SGSM2: variants seen among roughly 807,000 people sequenced by gnomAD.
SGSM2 encodes small G protein signaling modulator 2.
In SGSM2, 89 loss-of-function variants were observed where a neutral mutation model predicts 126.6. The ratio of observed to expected loss-of-function variants is 0.70; its 90% confidence interval spans 0.59 to 0.84. The LOEUF (loss-of-function observed/expected upper bound fraction) is 0.84, where lower values mean the gene tolerates loss of function less well. SGSM2 is among the 40% of genes least tolerant of loss of function. The pLI is 0.00. For synonymous variants in SGSM2, 614 were observed against 574.3 expected (o/e 1.07, Z -0.99); for missense variants, 1,404 against 1,416.6 (o/e 0.99, Z 0.14).
Position 2,376,892 on chromosome 17 carries a change from G to A in SGSM2, c.2693-67G>A. ...AGAGGGTGGCCAGGTCTGGAGGGGTGGGAATGGGAGCCGGCTCTGTCCCCT... is the reference window on the plus strand; with the variant it reads ...AGAGGGTGGCCAGGTCTGGAGGGGTAGGAATGGGAGCCGGCTCTGTCCCCT... On this transcript the variant is annotated intron_variant, in intron 20 of 23. Transcript: ENST00000268989. The A allele has an allele frequency of 2.5e-6, 4 of 1,603,158 alleles. 1 individual carries two copies. The highest frequency in any genetic ancestry group is 2.2e-5 in the South Asian group (2 of 90,788).
intron 2 of SGSM2, among the ~76,000 whole-genome samples, chr17:2,358,478 G>A (rs1004541496): frequency 6.6e-6 from 1 of 152,210 alleles, no homozygotes; most frequent in Non-Finnish European, 1.5e-5. Context: ...GGAAGGCTGA[G>A]GTGGAAGGAT....
Position 2,363,988 on chromosome 17 carries a change from C to A in SGSM2, c.808-71C>A. 3 of 1,601,536 alleles carry A rather than the reference C, an allele frequency of 1.9e-6. No homozygotes were observed. The highest frequency in any genetic ancestry group is 1.7e-6 in the Non-Finnish European group (2 of 1,169,918). ...GCCTCCCCTCCTCCCAGCGGGAGCT[C>A]ATTTCTCATAGGCCATCCCTGAGAG... On this transcript the variant is annotated intron_variant, in intron 7 of 23. Transcript: ENST00000268989. The surrounding 1 kb of genome is among the most constrained non-coding windows in gnomAD (Gnocchi z 4.2).
chr17:2,350,981 G>C (rs574008613), intron 2 of SGSM2, among the ~76,000 whole-genome samples: 57 of 152,222 alleles, frequency 3.7e-4, no homozygotes, highest in Non-Finnish European at 6.9e-4. Flanking sequence ...GGCTGGGCGT[G>C]GTGGCTCACG....
intron 2 of SGSM2, among the ~76,000 whole-genome samples, chr17:2,348,821 G>A (rs1438730226): frequency 6.6e-6 from 1 of 152,052 alleles, no homozygotes; most frequent in African/African-American, 2.4e-5. Context: ...GGAGTGCAGT[G>A]GTGTGATCAT....
At position 2,338,214 on chromosome 17, in the gene SGSM2, C is replaced by T. The variant is rs373163689; in HGVS notation, c.57+469C>T. ...TCCCCCTTGTCCGACGTCCGCTGTG[C>T]CTCCAGCTACGGAGTGATCGCTGCC... On this transcript the variant is annotated intron_variant, in intron 1 of 23. Coordinates refer to ENST00000268989, the MANE Select transcript of SGSM2 (RefSeq NM_014853.3). 1.4e-4 allele frequency among the ~76,000 whole-genome samples: 22 copies of T among 152,298 alleles called. No individual in the cohort carries two copies. The East Asian group carries it at 2.1e-3, about 15-fold the overall frequency.
At chr17:2,376,648 G>C in intron 19 of SGSM2, 85 bp from the exon 20 acceptor site, 2 of 1,434,978 alleles carry the variant, frequency 1.4e-6, no homozygotes, top group South Asian at 1.2e-5. Context: ...CTGGGCGGCA[G>C]GTGGCTCTGG....
At chr17:2,369,594 C>G (rs1007354443) in intron 12 of SGSM2, among the ~76,000 whole-genome samples, 1 of 152,212 alleles carries the variant, frequency 6.6e-6, no homozygotes, top group African/African-American at 2.4e-5. Context: ...TCAGCTCCTT[C>G]CTGGAGGATT....
Position 2,337,783 on chromosome 17 carries a change from T to C in SGSM2, c.57+38T>C. 2 of 1,466,886 alleles carry C rather than the reference T, an allele frequency of 1.4e-6. No homozygotes were observed. Among genetic ancestry groups the C allele is most frequent in the Non-Finnish European group, 1.8e-6 (2 of 1,096,112 alleles). 90.9% of individuals were successfully genotyped at this position (1,466,886 alleles called of 1,614,324 possible). On this transcript the variant is annotated intron_variant, in intron 1 of 23. Coordinates refer to ENST00000268989, the MANE Select transcript of SGSM2 (RefSeq NM_014853.3). This position sits in a 1 kb window ranked among gnomAD's most constrained non-coding sequence, Gnocchi z 5.1. ...CAAGAACCCCGGGGGGCTCGCGCCC[T>C]GGCCCGCGCGGCCCAGGGGGCAGAA...
chr17:2,365,130 G>C (rs949952044), intron 10 of SGSM2, 73 bp downstream of exon 10: 2 of 1,596,332 alleles, frequency 1.3e-6, no homozygotes, highest in Non-Finnish European at 1.7e-6. Flanking sequence ...CCTTCCCCAC[G>C]TGGAGTTCTT....
chr17:2,357,089 C>T (rs566205681), intron 2 of SGSM2, among the ~76,000 whole-genome samples: 22 of 152,192 alleles, frequency 1.4e-4, no homozygotes, highest in Non-Finnish European at 3.1e-4. Flanking sequence ...TGTTAGGCTG[C>T]AGAACTTGAT....
chr17:2,374,594 A>G (rs1423906177), intron 17 of SGSM2: 1 of 152,208 alleles, frequency 6.6e-6, no homozygotes, highest in African/African-American at 2.4e-5. Flanking sequence ...TAAAATAAAA[A>G]AAAAGAAATA....
At chr17:2,351,615 C>T (rs2064857061) in intron 2 of SGSM2, among the ~76,000 whole-genome samples, 1 of 152,196 alleles carries the variant, frequency 6.6e-6, no homozygotes. Flanking sequence ...GGATGTGTAG[C>T]ATGGATTTCA....
chr17:2,337,577 A>C lies in SGSM2; in HGVS notation c.-112A>C, dbSNP rs1417590835. 2.1e-5 allele frequency: 13 copies of C among 614,416 alleles called. No homozygotes were observed. The Admixed American group carries it at 4.7e-4, about 22-fold the overall frequency. The allele number at this position is 614,416 out of a possible 1,614,324, so 38.1% of individuals were successfully genotyped here. A position where few individuals can be genotyped will look rare whatever the true frequency, so the allele number is the denominator to read the frequency against. On this transcript the variant is annotated 5_prime_UTR_variant, in exon 1 of 24. Transcript: ENST00000268989. The surrounding 1 kb of genome is among the most constrained non-coding windows in gnomAD (Gnocchi z 5.1). ...GCGGCGGCGGCGGCGGCGGGCCGGG[A>C]GCGCGGCGGGCGGGGGCTCCGCCTT...
intron 1 of SGSM2, among the ~76,000 whole-genome samples, chr17:2,341,309 G>A (rs2064359151): frequency 1.3e-5 from 2 of 152,032 alleles, no homozygotes; most frequent in African/African-American, 2.4e-5. Context: ...GTAGAAATGG[G>A]GTTTCACCAT....
At position 2,364,973 on chromosome 17, in the gene SGSM2, C is replaced by T; in HGVS notation, c.1077C>T (p.His359=). 2 of 1,613,632 alleles carry T rather than the reference C, an allele frequency of 1.2e-6. No homozygotes were observed. Among genetic ancestry groups the T allele is most frequent in the Non-Finnish European group, 1.7e-6 (2 of 1,180,006 alleles). Residue 359 remains histidine (H), a synonymous_variant, in exon 10 of 24, where the codon CAC becomes CAT. Transcript: ENST00000268989. ...CGCTGCATTTCCCACAGGGAGGACA[C>T]CTGCTGTCCTTTCTGTCCTGTCTGG... The part of the protein sequence containing the change: ...RPPLHFPQGG[H]LLSFLSCLEN...
Position 2,380,865 on chromosome 17 carries a change from G to A in SGSM2, c.*1345G>A, listed in dbSNP as rs2066379534. 6.2e-6 allele frequency: 1 copy of A among 160,558 alleles called. No homozygotes were observed. 9.9% of individuals were successfully genotyped at this position (160,558 alleles called of 1,614,324 possible). A position where few individuals can be genotyped will look rare whatever the true frequency, so the allele number is the denominator to read the frequency against. On this transcript the variant is annotated 3_prime_UTR_variant, in exon 24 of 24. Transcript: ENST00000268989. The stretch of plus-strand genomic sequence containing the variant: ...CCTGCCCCCGGGCACTGCACAGCCT[G>A]TCTGGGGGCCAGACCACCCCATTGT...
intron 1 of SGSM2, among the ~76,000 whole-genome samples, chr17:2,341,998 C>T (rs928052250): frequency 9.9e-5 from 15 of 152,146 alleles, no homozygotes; most frequent in African/African-American, 2.4e-4. Flanking sequence ...CTGTACACAA[C>T]GCGCACGGAG....
At position 2,337,823 on chromosome 17, in the gene SGSM2, C is replaced by T. The variant is rs965087843; in HGVS notation, c.57+78C>T. The T allele has an allele frequency of 1.4e-5, 16 of 1,164,460 alleles. No individual in the cohort carries two copies. Among genetic ancestry groups the T allele is most frequent in the Non-Finnish European group, 1.8e-5 (16 of 876,968 alleles). 72.1% of individuals were successfully genotyped at this position (1,164,460 alleles called of 1,614,324 possible). A position where few individuals can be genotyped will look rare whatever the true frequency, so the allele number is the denominator to read the frequency against. ...AGGGGGCAGAAAGGTCCGCGCCCACCCCCCGGCGCGGGCACCCGGGCCGAA... is the reference window on the plus strand; with the variant it reads ...AGGGGGCAGAAAGGTCCGCGCCCACTCCCCGGCGCGGGCACCCGGGCCGAA... On this transcript the variant is annotated intron_variant, in intron 1 of 23. Transcript: ENST00000268989. This position sits in a 1 kb window ranked among gnomAD's most constrained non-coding sequence, Gnocchi z 5.1.
At position 2,343,590 on chromosome 17, in the gene SGSM2, G is replaced by A; in HGVS notation, c.103G>A (p.Glu35Lys). The A allele has an allele frequency of 1.2e-6, 2 of 1,614,204 alleles. No individual in the cohort carries two copies. The highest frequency in any genetic ancestry group is 1.7e-6 in the Non-Finnish European group (2 of 1,180,018). The change falls in exon 2 of 24, where the codon GAA (glutamate) becomes AAA (lysine). Residue 35 changes from glutamate (E) to lysine (K), a missense_variant. By Grantham distance (56) the Glu-to-Lys change is moderately conservative. Transcript: ENST00000268989. ...GGCTGTCACCAGGAAGTTTGTGCATGAAGACAGCAGCCACATCATTGCTTT... is the reference window on the plus strand; with the variant it reads ...GGCTGTCACCAGGAAGTTTGTGCATAAAGACAGCAGCCACATCATTGCTTT... ...EEAVTRKFVH[E>K]DSSHIIALCG... is the part of the protein sequence containing the mutation.
Sources: gnomAD v4.1 joint callset for allele counts (sites outside exome capture counted in the v4.1 genomes callset) on GRCh38, gnomAD v4.1.1 for gene constraint, Gnocchi (gnomAD v3.1) non-coding constraint, MANE v1.5 for transcripts, NCBI Gene and HGNC (gene_info 2026-07-23, HGNC 2026-07-21) for gene names.